Variants in JAKMIP1 observed in about 807,000 individuals in gnomAD.
JAKMIP1 encodes the protein janus kinase and microtubule interacting protein 1, also known as janus kinase and microtubule-interacting protein 1.
A neutral mutation model predicts 113.0 loss-of-function variants in JAKMIP1; 33 were observed. The observed-to-expected ratio is 0.29, with a 90% CI of 0.22 to 0.39. The LOEUF (loss-of-function observed/expected upper bound fraction) is 0.39. Among genes scored for constraint, JAKMIP1 ranks in the 10% least tolerant of loss-of-function variants. The pLI, the probability that JAKMIP1 is intolerant of heterozygous loss-of-function variation, is 1.00. For synonymous variants in JAKMIP1, 480 were observed against 459.9 expected (o/e 1.04, Z -0.56); for missense variants, 813 against 1,080.5 (o/e 0.75, Z 3.47).
rs1453342996 is a variant in JAKMIP1 at position 6,183,138 on chromosome 4, A to C, written c.-148+17115T>G. On this transcript the variant is annotated intron_variant, in intron 1 of 20. Coordinates refer to ENST00000409021, the MANE Select transcript of JAKMIP1 (RefSeq NM_001099433.2). This position sits in a 1 kb window ranked among gnomAD's most constrained non-coding sequence, Gnocchi z 5.3. Reference sequence around the variant, plus strand: ...GCAGATAACAATACCACAGATATCTAGACACACAGATACAGGTGCCCTGCG... The same window carrying C: ...GCAGATAACAATACCACAGATATCTCGACACACAGATACAGGTGCCCTGCG... Among the ~76,000 whole-genome samples, 1 of 152,250 alleles carries C rather than the reference A, an allele frequency of 6.6e-6. No individual in the cohort carries two copies. The highest frequency in any genetic ancestry group is 6.5e-5 in the Admixed American group (1 of 15,282).
At position 6,140,868 on chromosome 4, in the gene JAKMIP1, T is replaced by TGGTTG; in HGVS notation, c.-147-27872_-147-27871insCAACC. Among the ~76,000 whole-genome samples the TGGTTG allele has an allele frequency of 6.6e-6, 1 of 152,198 alleles. No individual in the cohort carries two copies. Among genetic ancestry groups the TGGTTG allele is most frequent in the East Asian group, 1.9e-4 (1 of 5,190 alleles). On this transcript the variant is annotated intron_variant, in intron 1 of 20. Coordinates refer to ENST00000409021, the MANE Select transcript of JAKMIP1 (RefSeq NM_001099433.2). This position sits in a 1 kb window ranked among gnomAD's most constrained non-coding sequence, Gnocchi z 9.4. The stretch of plus-strand genomic sequence containing the variant: ...GGCACTGGTTGGAGCTCATCTGTCC[T>TGGTTG]CAGCACAGTGCCTGGTGTATGGTAG...
chr4:6,105,800 C>G lies in JAKMIP1; in HGVS notation c.297G>C (p.Ala99=). 1.2e-6 allele frequency: 2 copies of G among 1,608,912 alleles called. No homozygotes were observed. Among genetic ancestry groups the G allele is most frequent in the Non-Finnish European group, 8.5e-7 (1 of 1,179,618 alleles). ...CCTCCTTGATCTTGGCGGTGCGCGC[C>G]GCCTCCTGCTCGTGCTGCCGGATGA... is the stretch of plus-strand genomic sequence containing the variant. The part of the protein sequence containing the change: ...EGLIRQHEQE[A]ARTAKIKEGE... The change falls in exon 3 of 21, where the codon GCG becomes GCC. Residue 99 remains alanine (A), a synonymous_variant. Transcript: ENST00000409021.
At chr4:6,060,315 C>T in intron 11 of JAKMIP1, 109 bp downstream of exon 11, 1 of 827,592 alleles carries the variant, frequency 1.2e-6, no homozygotes, top group South Asian at 1.4e-5. Flanking sequence ...TCTGGAGCTC[C>T]TGATCCAGCC....
intron 3 of JAKMIP1, among the ~76,000 whole-genome samples, chr4:6,104,692 G>T (rs779477763): frequency 1.3e-5 from 2 of 152,234 alleles, no homozygotes; most frequent in Non-Finnish European, 2.9e-5. Flanking sequence ...GGGCAGACTG[G>T]TCATGTGTTT....
chr4:6,081,481 G>A lies in JAKMIP1; in HGVS notation c.1101+128C>T. On this transcript the variant is annotated intron_variant, in intron 6 of 20. Coordinates refer to ENST00000409021, the MANE Select transcript of JAKMIP1 (RefSeq NM_001099433.2). The surrounding 1 kb of genome is among the most constrained non-coding windows in gnomAD (Gnocchi z 4.6). ...GCGAGACATCTGTGACTGACACTGT[G>A]CCTGGTGCTTTGTGGGGAGGTGGGC... is the stretch of plus-strand genomic sequence containing the variant. 1.0e-6 allele frequency: 1 copy of A among 980,476 alleles called. No individual in the cohort carries two copies. Among genetic ancestry groups the A allele is most frequent in the Non-Finnish European group, 1.6e-6 (1 of 642,844 alleles). The allele number at this position is 980,476 out of a possible 1,614,324, so 60.7% of individuals were successfully genotyped here.
intron 3 of JAKMIP1, 58 bp from the exon 4 acceptor site, chr4:6,085,687 T>A: frequency 6.5e-7 from 1 of 1,527,368 alleles, no homozygotes; most frequent in Non-Finnish European, 9.0e-7. Flanking sequence ...AGGAAATCTC[T>A]CCCCAAATTG....
At chr4:6,102,023 C>T (rs1713129454) in intron 3 of JAKMIP1, among the ~76,000 whole-genome samples, 1 of 152,016 alleles carries the variant, frequency 6.6e-6, no homozygotes, top group Non-Finnish European at 1.5e-5. Flanking sequence ...AAACGATATC[C>T]CTTTCCATTG....
At chr4:6,026,902 T>C (rs888237550) in intron 20 of JAKMIP1, among the ~76,000 whole-genome samples, 7 of 151,576 alleles carry the variant, frequency 4.6e-5, no homozygotes, top group South Asian at 4.2e-4. Flanking sequence ...CACCAGCTAT[T>C]GTTAGTGTTA....
At chr4:6,149,338 G>A (rs4398594) in intron 1 of JAKMIP1, among the ~76,000 whole-genome samples, 74,623 of 152,056 alleles carry the variant, frequency 0.49, 19,786 homozygotes, top group African/African-American at 0.69. Flanking sequence ...TTTCTCCCAG[G>A]AGGAAGAGAC....
chr4:6,062,259 A>T, intron 10 of JAKMIP1, 53 bp downstream of exon 10: 1 of 1,601,830 alleles, frequency 6.2e-7, no homozygotes, highest in Non-Finnish European at 8.5e-7. Context: ...GAAAGGACCT[A>T]CATGACCTGG....
intron 1 of JAKMIP1, among the ~76,000 whole-genome samples, chr4:6,196,589 C>T (rs983512850): frequency 3.2e-4 from 49 of 152,078 alleles, no homozygotes; most frequent in African/African-American, 1.2e-3. Context: ...TGCGGTGGCT[C>T]ACGCCTGTAC....
At position 6,105,949 on chromosome 4, in the gene JAKMIP1, G is replaced by A; in HGVS notation, c.148C>T (p.Arg50Trp). The A allele has an allele frequency of 1.2e-6, 2 of 1,600,338 alleles. No homozygotes were observed. Among genetic ancestry groups the A allele is most frequent in the South Asian group, 1.1e-5 (1 of 90,004 alleles). The change falls in exon 3 of 21, where the codon CGG (arginine) becomes TGG (tryptophan). Residue 50 changes from arginine (R) to tryptophan (W), a missense_variant. Arg to Trp is a moderately radical substitution (Grantham distance 101, BLOSUM62 -3). Around this residue, in one of 2 missense-constraint regions of JAKMIP1, gnomAD observed 540 missense variants for 653.9 expected, o/e 0.83. Transcript: ENST00000409021. ...EKSKVGKLRE[R>W]LQEAKLEREQ... ...CGCTCCAGCTTCGCCTCCTGCAGCC[G>A]CTCGCGCAGTTTGCCCACCTGCAGC...
At chr4:6,073,527 G>T (rs926118687) in intron 8 of JAKMIP1, among the ~76,000 whole-genome samples, 2 of 152,214 alleles carry the variant, frequency 1.3e-5, no homozygotes, top group Admixed American at 6.5e-5. Context: ...ATAAATTAGT[G>T]GGGGAGGCAG....
Position 6,135,655 on chromosome 4 carries a change from A to G in JAKMIP1, c.-147-22658T>C, listed in dbSNP as rs1373066286. ...TAGTTCCCTGCATACCACTGCATCA[A>G]CCATACCACCCCCGCTGAGAAGTTG... is the stretch of plus-strand genomic sequence containing the variant. On this transcript the variant is annotated intron_variant, in intron 1 of 20. Transcript: ENST00000409021. This position sits in a 1 kb window ranked among gnomAD's most constrained non-coding sequence, Gnocchi z 4.9. Among the ~76,000 whole-genome samples the G allele has an allele frequency of 6.6e-6, 1 of 152,152 alleles. No homozygotes were observed. Among genetic ancestry groups the G allele is most frequent in the Non-Finnish European group, 1.5e-5 (1 of 68,016 alleles).
rs1172020857 is a variant in JAKMIP1, at chr4:6,049,256, G to A, written c.1963-334C>T. 2.0e-5 allele frequency among the ~76,000 whole-genome samples: 3 copies of A among 152,262 alleles called. No individual in the cohort carries two copies. The highest frequency in any genetic ancestry group is 3.4e-3 in the Middle Eastern group (1 of 294). On this transcript the variant is annotated intron_variant, in intron 15 of 20. Coordinates refer to ENST00000409021, the MANE Select transcript of JAKMIP1 (RefSeq NM_001099433.2). This position sits in a 1 kb window ranked among gnomAD's most constrained non-coding sequence, Gnocchi z 7.0. ...TCGCCATGTTGGCCAGGCTGGTCTC[G>A]AACTCCTGACCTCAGGTGATCCGCC...
intron 1 of JAKMIP1, among the ~76,000 whole-genome samples, chr4:6,182,278 G>A (rs897617491): frequency 6.6e-6 from 1 of 151,768 alleles, no homozygotes; most frequent in Non-Finnish European, 1.5e-5. Context: ...GTGTGGTGGT[G>A]CATATTTGTA....
intron 3 of JAKMIP1, among the ~76,000 whole-genome samples, chr4:6,087,123 A>C (rs948202464): frequency 2.0e-5 from 3 of 152,340 alleles, no homozygotes; most frequent in African/African-American, 7.2e-5. Flanking sequence ...GTAGCAAGTT[A>C]CATTTCAGTG....
intron 1 of JAKMIP1, among the ~76,000 whole-genome samples, chr4:6,144,885 T>C (rs189866241): frequency 2.0e-4 from 30 of 152,246 alleles, no homozygotes; most frequent in African/African-American, 7.0e-4. Context: ...TCAGGGCAAC[T>C]AGGCAAGAAA....
rs1356445957 is a variant in JAKMIP1 at position 6,080,134 on chromosome 4, C to T, written c.1242+38G>A. The T allele has an allele frequency of 6.5e-7, 1 of 1,546,298 alleles. No individual in the cohort carries two copies. Among genetic ancestry groups the T allele is most frequent in the South Asian group, 1.2e-5 (1 of 81,690 alleles). Reference sequence around the variant, plus strand: ...GACACCCATGTCAGCTGGTGCCACCCCTGCCAGGGGCAGCCGCGCCAGCTG... The same window carrying T: ...GACACCCATGTCAGCTGGTGCCACCTCTGCCAGGGGCAGCCGCGCCAGCTG... On this transcript the variant is annotated intron_variant, in intron 7 of 20. Coordinates refer to ENST00000409021, the MANE Select transcript of JAKMIP1 (RefSeq NM_001099433.2). This position sits in a 1 kb window ranked among gnomAD's most constrained non-coding sequence, Gnocchi z 6.0.
Sources: gnomAD v4.1 joint callset for allele counts (sites outside exome capture counted in the v4.1 genomes callset) on GRCh38, gnomAD v4.1.1 for gene constraint, gnomAD v4.1.1 regional missense constraint, Gnocchi (gnomAD v3.1) non-coding constraint, MANE v1.5 for transcripts, NCBI Gene and HGNC (gene_info 2026-07-23, HGNC 2026-07-21) for gene names.